The following MUC5AC variants were observed in gnomAD, a reference collection of about 807,000 sequenced individuals.
MUC5AC encodes mucin 5AC, oligomeric mucus/gel-forming.
Under a neutral mutation model 169.7 loss-of-function variants are expected in MUC5AC, and 158 were observed. The ratio of observed to expected loss-of-function variants is 0.93; its 90% confidence interval spans 0.82 to 1.06. The LOEUF (loss-of-function observed/expected upper bound fraction) is 1.06. MUC5AC is among the 50% of genes least tolerant of loss of function. The probability of loss-of-function intolerance (pLI) is 0.00; values close to 1 mark genes in which losing one functional copy is unlikely to be tolerated. For synonymous variants in MUC5AC, 1,975 were observed against 1,237.0 expected (o/e 1.60, Z -12.52); for missense variants, 4,359 against 3,089.9 (o/e 1.41, Z -9.74).
Position 1,165,694 on chromosome 11 carries a change from C to T in MUC5AC, c.1320C>T (p.Ala440=). 4 of 1,612,492 alleles carry T rather than the reference C, an allele frequency of 2.5e-6. No homozygotes were observed. Among genetic ancestry groups the T allele is most frequent in the Non-Finnish European group, 3.4e-6 (4 of 1,179,762 alleles). Residue 440 remains alanine, a synonymous_variant, in exon 11 of 49, where the codon GCC becomes GCT. Coordinates refer to ENST00000621226, the MANE Select transcript of MUC5AC (RefSeq NM_001304359.2). ...GTACCTGCTCTGTGCTTGGAGGTGC[C>T]CACTTCTCAACGTTTGACGGGAAGC... ...CPGTCSVLGG[A]HFSTFDGKQY... is the part of the protein sequence containing the mutation.
In MUC5AC at chr11:1,188,113, C is replaced by T. The variant is rs1436168766; in HGVS notation, c.9968C>T (p.Pro3323Leu). The change falls in exon 31 of 49, where the codon CCT (proline) becomes CTT (leucine). Residue 3323 changes from proline to leucine, a missense_variant. Physicochemically the swap from Pro to Leu is moderately conservative, Grantham distance 98. Transcript: ENST00000621226. ...YEVRVLCCET[P>L]KGCPVTSTPV... ...GTGCGTGTGCTCTGCTGCGAGACCCCTAAAGGTTGCCCCGTGACCTCCACA... is the reference window on the plus strand; with the variant it reads ...GTGCGTGTGCTCTGCTGCGAGACCCTTAAAGGTTGCCCCGTGACCTCCACA... 6 of 735,736 alleles carry T rather than the reference C, an allele frequency of 8.2e-6. No homozygotes were observed. Among genetic ancestry groups the T allele is most frequent in the South Asian group, 1.4e-5 (1 of 69,730 alleles). 45.6% of individuals were successfully genotyped at this position (735,736 alleles called of 1,614,324 possible).
chr11:1,190,085 C>G lies in MUC5AC; in HGVS notation c.11940C>G (p.Tyr3980Ter), dbSNP rs1861051433. 2.6e-6 allele frequency: 2 copies of G among 762,964 alleles called. No homozygotes were observed. Among genetic ancestry groups the G allele is most frequent in the South Asian group, 1.3e-5 (1 of 74,244 alleles). 47.3% of individuals were successfully genotyped at this position (762,964 alleles called of 1,614,324 possible). A position where few individuals can be genotyped will look rare whatever the true frequency, so the allele number is the denominator to read the frequency against. Residue 3980 changes from tyrosine to a stop codon, truncating the protein, a stop_gained, in exon 31 of 49, where the codon TAC becomes TAG. Transcript: ENST00000621226. LOFTEE classifies it high-confidence loss of function. Reference sequence around the variant, plus strand: ...CCCACGGTGGGGACAAGGAAACCTACAACAACATCATCAGGAGTGGGGAAA... The same window carrying G: ...CCCACGGTGGGGACAAGGAAACCTAGAACAACATCATCAGGAGTGGGGAAA... The part of the protein sequence containing the change: ...PGPHGGDKET[Y>*]NNIIRSGEKI...
intron 31 of MUC5AC, 113 bp downstream of exon 31, chr11:1,192,638 C>T (rs902215348): frequency 4.3e-6 from 3 of 697,048 alleles, no homozygotes; most frequent in Non-Finnish European, 7.8e-6. Context: ...GGCACAGGCT[C>T]ATTGTCACAG....
At position 1,162,978 on chromosome 11, in the gene MUC5AC, C is replaced by T. The variant is rs1393805119; in HGVS notation, c.612C>T (p.Ala204=). ...AGCTGGAGCTGGACACCAAATACGC[C>T]AACAAGACCTGTGGGCTCTGTGGGG... ...SLLLELDTKY[A]NKTCGLCGDF... Residue 204 remains alanine, a synonymous_variant, in exon 6 of 49, where the codon GCC becomes GCT. Transcript: ENST00000621226. 7.4e-6 allele frequency: 12 copies of T among 1,612,570 alleles called. No homozygotes were observed. The highest frequency in any genetic ancestry group is 1.0e-5 in the Non-Finnish European group (12 of 1,179,866).
At chr11:1,169,230 G>A in intron 15 of MUC5AC, 1 of 919,406 alleles carries the variant, frequency 1.1e-6, no homozygotes, top group Non-Finnish European at 1.3e-6. Flanking sequence ...ATCTGCTTCA[G>A]GGTCAAAGAA....
chr11:1,175,549 GCACACACTCACA>G (rs1860650755), intron 19 of MUC5AC, among the ~76,000 whole-genome samples: 1 of 125,430 alleles, frequency 8.0e-6, no homozygotes, highest in Non-Finnish European at 1.7e-5. Flanking sequence ...ACCCATTCAT[GCACACACTCACA>G]CTCATGCACA....
chr11:1,175,542 C>A (rs1326049492), intron 19 of MUC5AC, among the ~76,000 whole-genome samples: 5 of 148,426 alleles, frequency 3.4e-5, no homozygotes, highest in African/African-American at 1.2e-4. Flanking sequence ...CACACACACC[C>A]ATTCATGCAC....
chr11:1,180,316 C>T (rs1365925430), intron 27 of MUC5AC, 38 bp from the exon 28 acceptor site: 1 of 398,606 alleles, frequency 2.5e-6, no homozygotes, highest in Non-Finnish European at 4.4e-6. Flanking sequence ...GTGGACGACA[C>T]TCGGTCTGGT....
intron 19 of MUC5AC, among the ~76,000 whole-genome samples, chr11:1,175,662 A>G (rs1469539831): frequency 8.8e-5 from 12 of 136,942 alleles, no homozygotes; most frequent in Admixed American, 7.2e-4. Flanking sequence ...CCACTCATAC[A>G]CACGCACTCA....
rs1417122169 is a variant in MUC5AC at position 1,162,938 on chromosome 11, T to C, written c.589-17T>C. The C allele has an allele frequency of 2.5e-6, 4 of 1,609,760 alleles. No individual in the cohort carries two copies. Among genetic ancestry groups the C allele is most frequent in the Admixed American group, 3.3e-5 (2 of 60,020 alleles). On this transcript the variant is annotated splice_polypyrimidine_tract_variant and intron_variant, in intron 5 of 48. Coordinates refer to ENST00000621226, the MANE Select transcript of MUC5AC (RefSeq NM_001304359.2). ...GCCCCTGGTGGGGATGGGTGTCTGA[T>C]GTCTCTCCCTTTGCAGCTGGAGCTG...
In MUC5AC at chr11:1,185,509, T is replaced by C. The variant is rs1301704865; in HGVS notation, c.7364T>C (p.Val2455Ala). ...GGTCCTGGAACTACCCCAAGCCCTG[T>C]TCCCACGACCAGCACAACCTCTGCC... is the stretch of plus-strand genomic sequence containing the variant. ...TSGPGTTPSP[V>A]PTTSTTSAPT... Residue 2455 changes from valine to alanine, a missense_variant, in exon 31 of 49, where the codon GTT becomes GCT. Transcript: ENST00000621226. 9.7e-6 allele frequency: 7 copies of C among 718,672 alleles called. No individual in the cohort carries two copies. The highest frequency in any genetic ancestry group is 1.5e-5 in the Non-Finnish European group (6 of 396,356). 44.5% of individuals were successfully genotyped at this position (718,672 alleles called of 1,614,324 possible).
intron 6 of MUC5AC, among the ~76,000 whole-genome samples, chr11:1,163,640 G>T (rs923002377): frequency 1.1e-4 from 17 of 152,098 alleles, no homozygotes; most frequent in Non-Finnish European, 8.8e-5. Flanking sequence ...CCTGTGGCCC[G>T]GACACCAACC....
chr11:1,160,954 G>C (rs1056574575), intron 2 of MUC5AC, among the ~76,000 whole-genome samples: 3 of 152,218 alleles, frequency 2.0e-5, no homozygotes, highest in Non-Finnish European at 4.4e-5. Context: ...TGTCCCGTGG[G>C]AGCCGGTCAC....
chr11:1,169,417 T>G (rs1216015413), intron 15 of MUC5AC, among the ~76,000 whole-genome samples: 1 of 90,878 alleles, frequency 1.1e-5, no homozygotes, highest in Non-Finnish European at 2.0e-5. Context: ...CACTCACCCA[T>G]TCGCCCACTC....
rs746123498 is a variant in MUC5AC, at chr11:1,193,636, G to T, written c.14732G>T (p.Cys4911Phe). The T allele has an allele frequency of 1.3e-6, 1 of 765,000 alleles. No homozygotes were observed. The highest frequency in any genetic ancestry group is 1.7e-5 in the Admixed American group (1 of 59,036). 47.4% of individuals were successfully genotyped at this position (765,000 alleles called of 1,614,324 possible). A position where few individuals can be genotyped will look rare whatever the true frequency, so the allele number is the denominator to read the frequency against. Residue 4911 changes from cysteine (C) to phenylalanine (F), a missense_variant, in exon 33 of 49, where the codon TGC becomes TTC. By Grantham distance (205) the Cys-to-Phe change is radical (BLOSUM62 -2). Transcript: ENST00000621226. ...GTGAAGGTGGCTGACCAAGATGGCT[G>T]CTGCCATCACTACCAGTGCCAGTGT... Reference protein sequence around the residue: ...PAVKVADQDGCCHHYQCQCVC... With the variant: ...PAVKVADQDGFCHHYQCQCVC...
At position 1,200,457 on chromosome 11, in the gene MUC5AC, A is replaced by T. The variant is rs1861397166; in HGVS notation, c.16720A>T (p.Thr5574Ser). ...CCACAGGTACTCGCTCGAGGGCAACACGGTGGAGCACAGGTGCCAGTGCTG... is the reference window on the plus strand; with the variant it reads ...CCACAGGTACTCGCTCGAGGGCAACTCGGTGGAGCACAGGTGCCAGTGCTG... ...SSSMYSLEGN[T>S]VEHRCQCCQE... is the part of the protein sequence containing the mutation. Residue 5574 changes from threonine to serine, a missense_variant, in exon 49 of 49, where the codon ACG becomes TCG. Physicochemically the swap from Thr to Ser is moderately conservative, Grantham distance 58. Coordinates refer to ENST00000621226, the MANE Select transcript of MUC5AC (RefSeq NM_001304359.2). The T allele has an allele frequency of 1.4e-6, 1 of 716,774 alleles. No homozygotes were observed. Among genetic ancestry groups the T allele is most frequent in the East Asian group, 2.6e-5 (1 of 38,106 alleles). The allele number at this position is 716,774 out of a possible 1,614,324, so 44.4% of individuals were successfully genotyped here. A position where few individuals can be genotyped will look rare whatever the true frequency, so the allele number is the denominator to read the frequency against.
chr11:1,162,269 C>T lies in MUC5AC; in HGVS notation c.473+101C>T, dbSNP rs1370511453. ...GGTCCTGGGAGGGATGTGGATTTCT[C>T]AGGAAGCCCCTGAGAGCAGAGCTGG... On this transcript the variant is annotated intron_variant, in intron 4 of 48. Transcript: ENST00000621226. The T allele has an allele frequency of 4.0e-6, 6 of 1,495,912 alleles. No homozygotes were observed. In the Admixed American group the frequency reaches 1.0e-4, roughly 26 times the overall value. The allele number at this position is 1,495,912 out of a possible 1,614,324, so 92.7% of individuals were successfully genotyped here. A position where few individuals can be genotyped will look rare whatever the true frequency, so the allele number is the denominator to read the frequency against.
Position 1,194,619 on chromosome 11 carries a change from T to G in MUC5AC, c.15139T>G (p.Ser5047Ala). The change falls in exon 35 of 49, where the codon TCC (serine) becomes GCC (alanine). Residue 5047 changes from serine to alanine, a missense_variant. By Grantham distance (99) the Ser-to-Ala change is moderately conservative. Transcript: ENST00000621226. Reference sequence around the variant, plus strand: ...GGTCATGTTCTCCGGCCTCATCTTCTCCGTGGAGGTGCCCTTCAGCAAGTT... The same window carrying G: ...GGTCATGTTCTCCGGCCTCATCTTCGCCGTGGAGGTGCCCTTCAGCAAGTT... ...VQVMFSGLIF[S>A]VEVPFSKFAN... 1.3e-6 allele frequency: 1 copy of G among 764,358 alleles called. No individual in the cohort carries two copies. The highest frequency in any genetic ancestry group is 2.4e-6 in the Non-Finnish European group (1 of 417,402). 47.3% of individuals were successfully genotyped at this position (764,358 alleles called of 1,614,324 possible). A position where few individuals can be genotyped will look rare whatever the true frequency, so the allele number is the denominator to read the frequency against.
intron 27 of MUC5AC, 92 bp downstream of exon 27, chr11:1,180,242 G>C (rs1302910127): frequency 2.0e-5 from 8 of 398,576 alleles, no homozygotes; most frequent in African/African-American, 1.4e-4. Context: ...CCAGCTTCCA[G>C]CACATTCTGG....
Sources: gnomAD v4.1 joint callset for allele counts (sites outside exome capture counted in the v4.1 genomes callset) on GRCh38, gnomAD v4.1.1 for gene constraint, MANE v1.5 for transcripts, NCBI Gene and HGNC (gene_info 2026-07-23, HGNC 2026-07-21) for gene names.